The following TNS1 variants were observed in gnomAD, a reference collection of about 807,000 sequenced individuals.
TNS1 encodes tensin-1.
A neutral mutation model predicts 168.6 loss-of-function variants in TNS1; 62 were observed. That is an observed-to-expected ratio of 0.37 (90% CI 0.30 to 0.45). The LOEUF is 0.45. Among genes scored for constraint, TNS1 ranks in the 20% least tolerant of loss-of-function variants. The pLI, the probability that TNS1 is intolerant of heterozygous loss-of-function variation, is 1.00. For synonymous variants in TNS1, 934 were observed against 933.2 expected, an observed-to-expected ratio of 1.00 and a Z score of -0.02; for missense variants, 2,240 against 2,339.4, an observed-to-expected ratio of 0.96 and a Z score of 0.88.
At position 217,817,977 on chromosome 2, in the gene TNS1, G is replaced by A; in HGVS notation, c.4355C>T (p.Pro1452Leu). Residue 1452 changes from proline (P) to leucine (L), a missense_variant, in exon 24 of 33, where the codon CCT becomes CTT. By Grantham distance (98) the Pro-to-Leu change is moderately conservative (BLOSUM62 -3). Coordinates refer to ENST00000682258, the MANE Select transcript of TNS1 (RefSeq NM_001387777.1). ...RQSSASGYQA[P>L]STPSFPVSPA... ...GGAGACAGGGAAGGAGGGCGTGGAA[G>A]GAGCCTGGTAGCCAGAGGCACTGCT... 6.9e-6 allele frequency: 11 copies of A among 1,602,182 alleles called. No individual in the cohort carries two copies. The highest frequency in any genetic ancestry group is 8.5e-6 in the Non-Finnish European group (10 of 1,174,232).
At chr2:217,920,590 T>C (rs1955616156) in intron 3 of TNS1, among the ~76,000 whole-genome samples, 1 of 150,914 alleles carries the variant, frequency 6.6e-6, no homozygotes, top group Non-Finnish European at 1.5e-5. Context: ...TTGCTCTATG[T>C]CCTGAATTTT....
At chr2:217,893,071 G>T in intron 10 of TNS1, 59 bp from the exon 11 acceptor site, 2 of 1,599,220 alleles carry the variant, frequency 1.3e-6, no homozygotes, top group Non-Finnish European at 8.6e-7. Context: ...CTGCCCCAGA[G>T]CTTATCTAGA....
chr2:218,005,861 T>G (rs1450062026), upstream of TNS1, among the ~76,000 whole-genome samples: 1 of 152,190 alleles, frequency 6.6e-6, no homozygotes, highest in Non-Finnish European at 1.5e-5. Context: ...TGCCACCCTA[T>G]CTGCAGCCAC....
chr2:217,823,414 T>C (rs1488613918), intron 22 of TNS1, among the ~76,000 whole-genome samples: 1 of 152,158 alleles, frequency 6.6e-6, no homozygotes. Context: ...AATGCAACCT[T>C]CCTCCCCTTA....
intron 18 of TNS1, chr2:217,879,457 TG>T (rs1324798787): frequency 6.6e-6 from 3 of 454,176 alleles, no homozygotes; most frequent in Non-Finnish European, 1.3e-5. Flanking sequence ...ACAAGCAGCC[TG>T]GGGGGTCGGA....
At chr2:217,808,174 G>A in intron 31 of TNS1, 67 bp from the exon 32 acceptor site, 1 of 1,579,604 alleles carries the variant, frequency 6.3e-7, no homozygotes, top group Non-Finnish European at 8.6e-7. Context: ...CCCCACCCAT[G>A]CCCAGACCCT....
chr2:217,940,386 C>T (rs562875570), intron 3 of TNS1, among the ~76,000 whole-genome samples: 1 of 152,324 alleles, frequency 6.6e-6, no homozygotes, highest in South Asian at 2.1e-4. Flanking sequence ...AGGCTTTTGG[C>T]TCCAGAACTG....
chr2:217,899,884 A>G (rs1051538300), intron 7 of TNS1, among the ~76,000 whole-genome samples: 4 of 152,158 alleles, frequency 2.6e-5, no homozygotes, highest in African/African-American at 9.7e-5. Flanking sequence ...GGCATCCCCA[A>G]TCATCTCAGG....
rs376033384 is a variant in TNS1, at chr2:217,958,301, A to T, written c.186+20464T>A. On this transcript the variant is annotated intron_variant, in intron 3 of 32. Coordinates refer to ENST00000682258, the MANE Select transcript of TNS1 (RefSeq NM_001387777.1). ...AAAGGAGAAAATGCCAGATGCCGTT[A>T]GGAAACAGTGAGCTCACCCAAGGTG... 2.2e-4 allele frequency among the ~76,000 whole-genome samples: 33 copies of T among 152,290 alleles called. No homozygotes were observed. The East Asian group carries it at 3.7e-3, about 17-fold the overall frequency.
chr2:217,968,986 A>T (rs1030048259), intron 3 of TNS1, among the ~76,000 whole-genome samples: 8 of 152,300 alleles, frequency 5.3e-5, no homozygotes, highest in African/African-American at 1.9e-4. Context: ...GGCATGAGTC[A>T]CCACTCCCAG....
intron 18 of TNS1, among the ~76,000 whole-genome samples, chr2:217,869,237 C>T (rs1949552971): frequency 6.6e-6 from 1 of 152,156 alleles, no homozygotes; most frequent in Non-Finnish European, 1.5e-5. Context: ...TGCAGGCAGG[C>T]TCCAGGGAGG....
In TNS1 at chr2:217,890,605, G is replaced by C. The variant is rs376433645; in HGVS notation, c.866+357C>G. On this transcript the variant is annotated intron_variant, in intron 12 of 32. Coordinates refer to ENST00000682258, the MANE Select transcript of TNS1 (RefSeq NM_001387777.1). ...GCAGGGGGCAGTGATGCAGTCTCCC[G>C]TAGACTCATCCAAGCACTGAAGCAA... is the stretch of plus-strand genomic sequence containing the variant. 30 of 303,036 alleles carry C rather than the reference G, an allele frequency of 9.9e-5. No individual in the cohort carries two copies. The South Asian group carries it at 1.3e-3, about 13-fold the overall frequency. The allele number at this position is 303,036 out of a possible 1,614,324, so 18.8% of individuals were successfully genotyped here. A position where few individuals can be genotyped will look rare whatever the true frequency, so the allele number is the denominator to read the frequency against.
chr2:217,849,799 T>C, intron 18 of TNS1: 1 of 985,456 alleles, frequency 1.0e-6, no homozygotes, highest in Non-Finnish European at 1.2e-6. Context: ...GGATAGCCTT[T>C]GCCCACGGAA....
intron 22 of TNS1, among the ~76,000 whole-genome samples, chr2:217,824,680 G>A (rs1943359705): frequency 6.6e-6 from 1 of 152,112 alleles, no homozygotes; most frequent in African/African-American, 2.4e-5. Context: ...GAACATCAGA[G>A]GGAGTCTCAC....
rs1036899249 is a variant in TNS1 at position 217,933,946 on chromosome 2, C to G, written c.187-13710G>C. On this transcript the variant is annotated intron_variant, in intron 3 of 32. Coordinates refer to ENST00000682258, the MANE Select transcript of TNS1 (RefSeq NM_001387777.1). ...ACAGAGGTGGTGAGGAAGGGCAAAA[C>G]AGAGTTTAGGGCTCGGGACAACCAT... Among the ~76,000 whole-genome samples, 5 of 152,172 alleles carry G rather than the reference C, an allele frequency of 3.3e-5. No individual in the cohort carries two copies. The South Asian group carries it at 8.3e-4, about 25-fold the overall frequency.
intron 1 of TNS1, among the ~76,000 whole-genome samples, chr2:218,015,630 C>A (rs1289999249): frequency 6.6e-6 from 1 of 152,198 alleles, no homozygotes; most frequent in Non-Finnish European, 1.5e-5. Flanking sequence ...TATTCAAGCC[C>A]CCGTCCCCAT....
At position 217,951,030 on chromosome 2, in the gene TNS1, G is replaced by A. The variant is rs144116297; in HGVS notation, c.186+27735C>T. ...TGGAAACTTCCCTCCTGAGGACTTC[G>A]GATCCACCCCTATAGAAAATAATCA... On this transcript the variant is annotated intron_variant, in intron 3 of 32. Coordinates refer to ENST00000682258, the MANE Select transcript of TNS1 (RefSeq NM_001387777.1). 6.0e-3 allele frequency among the ~76,000 whole-genome samples: 911 copies of A among 152,164 alleles called. 10 individuals are homozygous for A. The highest frequency in any genetic ancestry group is 0.021 in the African/African-American group (876 of 41,474).
At chr2:217,939,218 G>T (rs1349858370) in intron 3 of TNS1, among the ~76,000 whole-genome samples, 1 of 152,162 alleles carries the variant, frequency 6.6e-6, no homozygotes, top group Non-Finnish European at 1.5e-5. Context: ...TCAGTCACTT[G>T]CTGAGACCAC....
chr2:217,855,190 T>G (rs1947981813), intron 18 of TNS1, among the ~76,000 whole-genome samples: 1 of 152,184 alleles, frequency 6.6e-6, no homozygotes, highest in African/African-American at 2.4e-5. Flanking sequence ...TCTGCCTACC[T>G]TCTGAAGCCT....
Sources: allele counts gnomAD v4.1 joint callset (sites outside exome capture counted in the v4.1 genomes callset), GRCh38; gene constraint gnomAD v4.1.1; transcripts MANE v1.5; gene names NCBI Gene and HGNC (gene_info 2026-07-23, HGNC 2026-07-21).